ANP32A: variants seen among roughly 807,000 people sequenced by gnomAD.
ANP32A encodes the protein acidic nuclear phosphoprotein 32 family member A.
In ANP32A, 1 loss-of-function variant was observed where a neutral mutation model predicts 33.9. That is an observed-to-expected ratio of 0.03 (90% CI 0.01 to 0.14). ANP32A has a LOEUF of 0.14. Ranked by LOEUF, ANP32A falls within the 10% of genes least tolerant of loss-of-function variation. The pLI is 1.00. For missense variants in ANP32A, 155 were observed against 306.0 expected (o/e 0.51, Z 3.68); for synonymous variants, 115 against 120.5 (o/e 0.95, Z 0.30).
At chr15:68,800,519 C>T (rs1369253662) in intron 1 of ANP32A, among the ~76,000 whole-genome samples, 2 of 151,122 alleles carry the variant, frequency 1.3e-5, no homozygotes, top group Admixed American at 1.3e-4. Context: ...CCGAGGCTGG[C>T]GGATCATGAG....
rs767642357 is a variant in ANP32A at position 68,811,270 on chromosome 15, G to A, written c.54+9428C>T. On this transcript the variant is annotated intron_variant, in intron 1 of 6. Coordinates refer to ENST00000465139, the MANE Select transcript of ANP32A (RefSeq NM_006305.4). ...GAGTGGGATGGGCAGTAACTACAGC[G>A]CAACACGGGATCAATTAGAGTCTTT... 5.3e-5 allele frequency among the ~76,000 whole-genome samples: 8 copies of A among 152,198 alleles called. 1 individual carries two copies. In the South Asian group the frequency reaches 1.5e-3, roughly 28 times the overall value.
At chr15:68,805,206 G>A (rs901826688) in intron 1 of ANP32A, among the ~76,000 whole-genome samples, 1 of 152,150 alleles carries the variant, frequency 6.6e-6, no homozygotes, top group Non-Finnish European at 1.5e-5. Context: ...TACAAATGGG[G>A]GTCCTCCAGG....
chr15:68,810,184 C>T lies in ANP32A; in HGVS notation c.54+10514G>A, dbSNP rs192626218. Among the ~76,000 whole-genome samples the T allele has an allele frequency of 7.2e-5, 11 of 152,284 alleles. No homozygotes were observed. In the East Asian group the frequency reaches 2.1e-3, roughly 29 times the overall value. ...GATGACGGGAAGTGGCCAGACCATG[C>T]AGCACCTTGTTGGTCTTATTAAAGA... is the stretch of plus-strand genomic sequence containing the variant. On this transcript the variant is annotated intron_variant, in intron 1 of 6. Coordinates refer to ENST00000465139, the MANE Select transcript of ANP32A (RefSeq NM_006305.4).
At chr15:68,802,729 C>T (rs931272264) in intron 1 of ANP32A, among the ~76,000 whole-genome samples, 1 of 152,244 alleles carries the variant, frequency 6.6e-6, no homozygotes, top group East Asian at 1.9e-4. Context: ...CTCGGCTCAG[C>T]GCAACTTCCA....
chr15:68,809,763 A>G (rs1034315765), intron 1 of ANP32A, among the ~76,000 whole-genome samples: 6 of 152,198 alleles, frequency 3.9e-5, no homozygotes, highest in Admixed American at 6.5e-5. Context: ...GTAGGTGATG[A>G]AAGTGACAAG....
Position 68,784,579 on chromosome 15 carries a change from A to C in ANP32A, c.344T>G (p.Leu115Arg). 6.2e-7 allele frequency: 1 copy of C among 1,614,154 alleles called. No individual in the cohort carries two copies. Among genetic ancestry groups the C allele is most frequent in the Non-Finnish European group, 8.5e-7 (1 of 1,180,030 alleles). ...GCAATTGAAAAGGTCTAAGCTCTTG[A>C]GGTTTTCTAACTTTTTCTGCAAGCG... ...TIEPLKKLEN[L>R]KSLDLFNCEV... Residue 115 changes from leucine (L) to arginine (R), a missense_variant, in exon 4 of 7, where the codon CTC (leucine) becomes CGC (arginine). Physicochemically the swap from Leu to Arg is moderately radical, Grantham distance 102. Transcript: ENST00000465139.
chr15:68,812,479 G>A (rs1894326440), intron 1 of ANP32A, among the ~76,000 whole-genome samples: 1 of 152,112 alleles, frequency 6.6e-6, no homozygotes, highest in Non-Finnish European at 1.5e-5. Context: ...GAAGGTTGGA[G>A]GGGAGAGAAG....
Position 68,817,068 on chromosome 15 carries a change from C to T in ANP32A, c.54+3630G>A, listed in dbSNP as rs116256289. 9.8e-3 allele frequency among the ~76,000 whole-genome samples: 1,487 copies of T among 152,334 alleles called. 17 individuals carry two copies. The highest frequency in any genetic ancestry group is 0.034 in the African/African-American group (1,433 of 41,568). On this transcript the variant is annotated intron_variant, in intron 1 of 6. Coordinates refer to ENST00000465139, the MANE Select transcript of ANP32A (RefSeq NM_006305.4). ...ACTGCCATGAAAGTTAGTTTCTGCA[C>T]AGATACCAGAGTTCAGCTCGTGAGG...
chr15:68,787,988 G>A, intron 1 of ANP32A, 69 bp from the exon 2 acceptor site: 2 of 1,589,842 alleles, frequency 1.3e-6, no homozygotes, highest in African/African-American at 1.3e-5. Flanking sequence ...GGTGTTAGAG[G>A]ACTCCTCAGA....
At chr15:68,810,462 C>T (rs117511495) in intron 1 of ANP32A, among the ~76,000 whole-genome samples, 22 of 152,094 alleles carry the variant, frequency 1.4e-4, no homozygotes, top group Non-Finnish European at 2.8e-4. Context: ...ACATGGGTTC[C>T]CTTTGGACTT....
chr15:68,797,607 C>T (rs920867069), intron 1 of ANP32A, among the ~76,000 whole-genome samples: 1 of 152,188 alleles, frequency 6.6e-6, no homozygotes, highest in Non-Finnish European at 1.5e-5. Context: ...CCTGGCAAAA[C>T]CCCTGTGCTT....
rs373512062 is a variant in ANP32A, at chr15:68,787,755, C to T, written c.204+15G>A. ...ACCCCCGCCTCCCAGCACACACAGA[C>T]TCCACTCTATTTACCTTCTTAAGTT... On this transcript the variant is annotated intron_variant, in intron 2 of 6. Coordinates refer to ENST00000465139, the MANE Select transcript of ANP32A (RefSeq NM_006305.4). 7 of 1,601,660 alleles carry T rather than the reference C, an allele frequency of 4.4e-6. No homozygotes were observed. The African/African-American group carries it at 9.4e-5, about 21-fold the overall frequency.
At chr15:68,807,236 T>A (rs755478283) in intron 1 of ANP32A, among the ~76,000 whole-genome samples, 1 of 152,072 alleles carries the variant, frequency 6.6e-6, no homozygotes, top group Non-Finnish European at 1.5e-5. Context: ...GAATGAAAGA[T>A]AAAGGACTGG....
At chr15:68,813,141 A>G (rs1269571193) in intron 1 of ANP32A, 1 of 152,258 alleles carries the variant, frequency 6.6e-6, no homozygotes, top group Non-Finnish European at 1.5e-5. Context: ...TTGGTAAAGG[A>G]AACAGTAGCT....
chr15:68,787,132 C>T (rs943811954), intron 3 of ANP32A: 3 of 381,142 alleles, frequency 7.9e-6, no homozygotes, highest in Non-Finnish European at 1.5e-5. Flanking sequence ...TGAGCAGAAA[C>T]TGAGTGGAAA....
At chr15:68,811,463 G>A (rs1430862532) in intron 1 of ANP32A, among the ~76,000 whole-genome samples, 1 of 152,170 alleles carries the variant, frequency 6.6e-6, no homozygotes, top group African/African-American at 2.4e-5. Context: ...TAAGAAACCA[G>A]GAGGTTTCCA....
intron 5 of ANP32A, 76 bp downstream of exon 5, chr15:68,782,880 A>C: frequency 6.5e-7 from 1 of 1,541,204 alleles, no homozygotes. Flanking sequence ...GGGGCTGCCA[A>C]GACTGATCAC....
chr15:68,819,423 C>T (rs2140378133), intron 1 of ANP32A, among the ~76,000 whole-genome samples: 1 of 152,248 alleles, frequency 6.6e-6, no homozygotes, highest in East Asian at 1.9e-4. Flanking sequence ...GCTCGAGCCT[C>T]GCGATTCCCA....
chr15:68,819,243 C>T (rs1894436813), intron 1 of ANP32A, among the ~76,000 whole-genome samples: 1 of 152,050 alleles, frequency 6.6e-6, no homozygotes, highest in South Asian at 2.1e-4. Context: ...CTCCCGCCAG[C>T]GCGTCCCCGG....
Sources: gnomAD v4.1 joint callset for allele counts (sites outside exome capture counted in the v4.1 genomes callset) on GRCh38, gnomAD v4.1.1 for gene constraint, MANE v1.5 for transcripts, NCBI Gene and HGNC (gene_info 2026-07-23, HGNC 2026-07-21) for gene names.